CLU: variants seen among roughly 807,000 people sequenced by gnomAD.
CLU encodes aging-associated protein 4.
A neutral mutation model predicts 46.4 loss-of-function variants in CLU; 25 were observed. The observed-to-expected ratio is 0.54, with a 90% CI of 0.39 to 0.75. The LOEUF (loss-of-function observed/expected upper bound fraction) is 0.75, where lower values mean the gene tolerates loss of function less well. Ranked by LOEUF, CLU falls within the 30% of genes least tolerant of loss-of-function variation. The pLI, the probability that CLU is intolerant of heterozygous loss-of-function variation, is 0.00. For synonymous variants in CLU, 235 were observed against 235.1 expected (o/e 1.00, Z 0.00); for missense variants, 504 against 592.1 (o/e 0.85, Z 1.54).
Position 27,597,994 on chromosome 8 carries a change from G to C in CLU, c.*247C>G. On this transcript the variant is annotated 3_prime_UTR_variant, in exon 9 of 9. Transcript: ENST00000316403. ...AACATAAAAAGAGGACCCTCCAAGCGATCAGCTCACAAGACAGTTTTATTG... is the reference window on the plus strand; with the variant it reads ...AACATAAAAAGAGGACCCTCCAAGCCATCAGCTCACAAGACAGTTTTATTG... 1 of 679,346 alleles carries C rather than the reference G, an allele frequency of 1.5e-6. No homozygotes were observed. Among genetic ancestry groups the C allele is most frequent in the Middle Eastern group, 3.8e-4 (1 of 2,646 alleles). The allele number at this position is 679,346 out of a possible 1,614,324, so 42.1% of individuals were successfully genotyped here. A position where few individuals can be genotyped will look rare whatever the true frequency, so the allele number is the denominator to read the frequency against.
rs759246195 is a variant in CLU, at chr8:27,598,676, G to A, written c.1165-41C>T. 4.4e-6 allele frequency: 7 copies of A among 1,592,308 alleles called. No homozygotes were observed. In the East Asian group the frequency reaches 1.6e-4, roughly 36 times the overall value. On this transcript the variant is annotated intron_variant, in intron 7 of 8. Transcript: ENST00000316403. Reference sequence around the variant, plus strand: ...GAAAAGGGAAGAGCTGAAACACTGTGGTCAAAATGCATGCGCTCTGCAACA... The same window carrying A: ...GAAAAGGGAAGAGCTGAAACACTGTAGTCAAAATGCATGCGCTCTGCAACA...
At chr8:27,608,910 C>A (rs1585255777) in intron 3 of CLU, 28 bp downstream of exon 3, 1 of 1,613,512 alleles carries the variant, frequency 6.2e-7, no homozygotes, top group South Asian at 1.1e-5. Flanking sequence ...ATGGTCAAGG[C>A]AGGGAGGCGG....
chr8:27,611,967 C>A (rs1367571715), intron 1 of CLU: 1 of 359,686 alleles, frequency 2.8e-6, no homozygotes, highest in Non-Finnish European at 5.4e-6. Flanking sequence ...CCCCTGAAAG[C>A]AACAACTTCT....
chr8:27,598,505 T>C lies in CLU; in HGVS notation c.1295A>G (p.Glu432Gly). 2.5e-6 allele frequency: 4 copies of C among 1,614,150 alleles called. No homozygotes were observed. The highest frequency in any genetic ancestry group is 3.4e-6 in the Non-Finnish European group (4 of 1,180,040). The stretch of plus-strand genomic sequence containing the variant: ...CTGCAGCGCTTTCTCCGCCACGGTC[T>C]CCATAAATTTAGGGTTCTTCCTGGA... ...EVSRKNPKFM[E>G]TVAEKALQEY... is the part of the protein sequence containing the mutation. Residue 432 changes from glutamate to glycine, a missense_variant, in exon 8 of 9, where the codon GAG becomes GGG. By Grantham distance (98) the Glu-to-Gly change is moderately conservative. Coordinates refer to ENST00000316403, the MANE Select transcript of CLU (RefSeq NM_001831.4).
rs1425105974 is a variant in CLU, at chr8:27,605,180, G to A, written c.573C>T (p.Phe191=). The A allele has an allele frequency of 1.2e-6, 2 of 1,614,118 alleles. No homozygotes were observed. Among genetic ancestry groups the A allele is most frequent in the African/African-American group, 1.3e-5 (1 of 74,944 alleles). The part of the protein sequence containing the change: ...SRASSIIDEL[F]QDRFFTREPQ... The stretch of plus-strand genomic sequence containing the variant: ...GCTCCCGGGTGAAGAACCTGTCCTG[G>A]AAGAGCTCGTCTATGATGCTGGACG... Residue 191 remains phenylalanine, a synonymous_variant, in exon 5 of 9, where the codon TTC becomes TTT. Coordinates refer to ENST00000316403, the MANE Select transcript of CLU (RefSeq NM_001831.4).
chr8:27,599,997 T>A lies in CLU; in HGVS notation c.947A>T (p.Asn316Ile), dbSNP rs777664923. The change falls in exon 7 of 9, where the codon AAC becomes ATC. Residue 316 changes from asparagine (N) to isoleucine (I), a missense_variant. Physicochemically the swap from Asn to Ile is moderately radical, Grantham distance 149. This residue lies in a region of CLU where 428 missense variants were observed against 484.0 expected (regional missense o/e 0.88). Coordinates refer to ENST00000316403, the MANE Select transcript of CLU (RefSeq NM_001831.4). The surrounding 1 kb of genome is among the most constrained non-coding windows in gnomAD (Gnocchi z 4.0). ...REILSVDCST[N>I]NPSQAKLRRE... Reference sequence around the variant, plus strand: ...CCGCAGCTTAGCCTGGGAGGGGTTGTTGGTGGAACAGTCTGCCCAGAGATG... The same window carrying A: ...CCGCAGCTTAGCCTGGGAGGGGTTGATGGTGGAACAGTCTGCCCAGAGATG... 20 of 1,613,994 alleles carry A rather than the reference T, an allele frequency of 1.2e-5. No homozygotes were observed. Among genetic ancestry groups the A allele is most frequent in the Non-Finnish European group, 1.7e-5 (20 of 1,179,938 alleles).
At chr8:27,608,869 C>T (rs1007704171) in intron 3 of CLU, 69 bp downstream of exon 3, 26 of 1,571,408 alleles carry the variant, frequency 1.7e-5, no homozygotes, top group South Asian at 1.2e-4. Context: ...CAGGGCACCG[C>T]GCAGTGACCC....
At position 27,606,347 on chromosome 8, in the gene CLU, T is replaced by C; in HGVS notation, c.417+7A>G. The C allele has an allele frequency of 1.2e-6, 2 of 1,613,814 alleles. No individual in the cohort carries two copies. The highest frequency in any genetic ancestry group is 1.7e-6 in the Non-Finnish European group (2 of 1,179,976). On this transcript the variant is annotated splice_region_variant and intron_variant, in intron 4 of 8. Coordinates refer to ENST00000316403, the MANE Select transcript of CLU (RefSeq NM_001831.4). ...GAGCCTTGGCCACTCATGTGTCCCCTTTTCACCTGGCGGCCAACCAGGCCT... is the reference window on the plus strand; with the variant it reads ...GAGCCTTGGCCACTCATGTGTCCCCCTTTCACCTGGCGGCCAACCAGGCCT...
At chr8:27,612,661 T>C (rs1293356788) in intron 1 of CLU, among the ~76,000 whole-genome samples, 2 of 152,078 alleles carry the variant, frequency 1.3e-5, no homozygotes, top group Non-Finnish European at 2.9e-5. Flanking sequence ...GCAGGTGATA[T>C]GGATGCTGCT....
At position 27,598,315 on chromosome 8, in the gene CLU, G is replaced by A. The variant is rs1035176289; in HGVS notation, c.1341-65C>T. 8 of 1,602,672 alleles carry A rather than the reference G, an allele frequency of 5.0e-6. No individual in the cohort carries two copies. In the Admixed American group the frequency reaches 6.7e-5, roughly 13 times the overall value. On this transcript the variant is annotated intron_variant, in intron 8 of 8. Coordinates refer to ENST00000316403, the MANE Select transcript of CLU (RefSeq NM_001831.4). ...TCCAAAGGAAAAATAAAATTCCCCC[G>A]TAACTTCCTGGCTTTGTTCTTGGGC...
In CLU at chr8:27,599,265, C is replaced by A; in HGVS notation, c.1164+515G>T. ...ATCTTGCTGTGTTGCCCAGGCTGGT[C>A]TCAAATTCCTGGCCTCAAGCAATCC... On this transcript the variant is annotated intron_variant, in intron 7 of 8. Coordinates refer to ENST00000316403, the MANE Select transcript of CLU (RefSeq NM_001831.4). The surrounding 1 kb of genome is among the most constrained non-coding windows in gnomAD (Gnocchi z 4.0). The A allele has an allele frequency of 6.0e-6, 1 of 166,932 alleles. No individual in the cohort carries two copies. Among genetic ancestry groups the A allele is most frequent in the Non-Finnish European group, 1.3e-5 (1 of 76,966 alleles). 10.3% of individuals were successfully genotyped at this position (166,932 alleles called of 1,614,324 possible). A position where few individuals can be genotyped will look rare whatever the true frequency, so the allele number is the denominator to read the frequency against.
At chr8:27,604,167 G>C (rs930142450) in intron 6 of CLU, 124 bp downstream of exon 6, 14 of 766,168 alleles carry the variant, frequency 1.8e-5, no homozygotes, top group South Asian at 5.8e-5. Flanking sequence ...CAGCTCAAAG[G>C]CTGCAGAGCT....
chr8:27,597,784 A>T lies in CLU; in HGVS notation c.*457T>A, dbSNP rs1357852561. The T allele has an allele frequency of 1.3e-5, 6 of 457,382 alleles. No individual in the cohort carries two copies. The allele number at this position is 457,382 out of a possible 1,614,324, so 28.3% of individuals were successfully genotyped here. On this transcript the variant is annotated 3_prime_UTR_variant, in exon 9 of 9. Transcript: ENST00000316403. ...GTTGAAACACATCTCTCTTCCTGAA[A>T]GCAAGCAATTCTTGAAGTGGATCAA...
chr8:27,611,034 A>G, intron 1 of CLU: 1 of 377,136 alleles, frequency 2.7e-6, no homozygotes, highest in South Asian at 2.0e-5. Flanking sequence ...CCACAGAGGG[A>G]CTGCATCCCA....
At chr8:27,602,244 T>C (rs1352381325) in intron 6 of CLU, among the ~76,000 whole-genome samples, 3 of 152,090 alleles carry the variant, frequency 2.0e-5, no homozygotes, top group South Asian at 2.1e-4. Flanking sequence ...TGACCTCTAG[T>C]GGGCAGAGGC....
chr8:27,608,756 C>T, intron 3 of CLU, 182 bp downstream of exon 3: 1 of 688,012 alleles, frequency 1.5e-6, no homozygotes, highest in South Asian at 1.7e-5. Flanking sequence ...GATCTCACTC[C>T]CTGATGCTTT....
intron 1 of CLU, 32 bp from the exon 2 acceptor site, chr8:27,610,632 G>A: frequency 6.4e-7 from 1 of 1,551,154 alleles, no homozygotes; most frequent in Non-Finnish European, 8.9e-7. Flanking sequence ...CATGGGAACA[G>A]CTAGACAGCC....
chr8:27,608,762 G>GCTTT, intron 3 of CLU, 176 bp downstream of exon 3: 1 of 705,614 alleles, frequency 1.4e-6, no homozygotes. Context: ...ACTCCCTGAT[G>GCTTT]CTTTCAGAAG....
intron 8 of CLU, 46 bp downstream of exon 8, chr8:27,598,414 G>A: frequency 1.2e-6 from 2 of 1,611,864 alleles, no homozygotes; most frequent in Non-Finnish European, 1.7e-6. Context: ...GGCTCCCAGA[G>A]ACTCACTGGG....
Sources: allele counts gnomAD v4.1 joint callset (sites outside exome capture counted in the v4.1 genomes callset), GRCh38; gene constraint gnomAD v4.1.1; regional missense constraint gnomAD v4.1.1; non-coding constraint Gnocchi (gnomAD v3.1); transcripts MANE v1.5; gene names NCBI Gene and HGNC (gene_info 2026-07-23, HGNC 2026-07-21).